HMGCLL1: variants seen among roughly 807,000 people sequenced by gnomAD.
HMGCLL1 encodes 3-hydroxy-3-methylglutaryl-CoA lyase like 1.
Under a neutral mutation model 39.1 loss-of-function variants are expected in HMGCLL1, and 36 were observed. The observed-to-expected ratio is 0.92, with a 90% CI of 0.71 to 1.22. The LOEUF (loss-of-function observed/expected upper bound fraction) is 1.22, where lower values mean the gene tolerates loss of function less well. Among genes scored for constraint, HMGCLL1 ranks in the 50% most tolerant of loss-of-function variants. The pLI is 0.00. For synonymous variants in HMGCLL1, 149 were observed against 144.0 expected (o/e 1.03, Z -0.25); for missense variants, 451 against 416.5 (o/e 1.08, Z -0.72).
the HMGCLL1 span, among the ~76,000 whole-genome samples, chr6:55,606,026 G>A: frequency 2.0e-5 from 3 of 152,112 alleles, no homozygotes; most frequent in Non-Finnish European, 4.4e-5. Flanking sequence ...ATGAATTGAA[G>A]AGGTTCAGGT....
At chr6:55,490,851 G>T (rs962778255) in intron 7 of HMGCLL1, among the ~76,000 whole-genome samples, 16 of 151,736 alleles carry the variant, frequency 1.1e-4, no homozygotes, top group Non-Finnish European at 1.9e-4. Flanking sequence ...TAAAGATGTT[G>T]GAGATGAACT....
chr6:55,526,819 A>G (rs578186789), intron 3 of HMGCLL1, among the ~76,000 whole-genome samples: 1 of 152,164 alleles, frequency 6.6e-6, no homozygotes, highest in South Asian at 2.1e-4. Context: ...ATGGGGATTC[A>G]CCTCTGAATA....
At chr6:55,649,136 T>C in the HMGCLL1 span, among the ~76,000 whole-genome samples, 1 of 152,116 alleles carries the variant, frequency 6.6e-6, no homozygotes, top group Admixed American at 6.6e-5. Context: ...TACAGTGTTA[T>C]GATATTCTGT....
intron 3 of HMGCLL1, among the ~76,000 whole-genome samples, chr6:55,537,287 G>A (rs893041334): frequency 2.0e-5 from 3 of 152,098 alleles, no homozygotes; most frequent in African/African-American, 7.2e-5. Flanking sequence ...TAAATTTCCT[G>A]TCTTGGATTC....
At chr6:55,534,843 G>A (rs934229897) in intron 3 of HMGCLL1, among the ~76,000 whole-genome samples, 1 of 152,130 alleles carries the variant, frequency 6.6e-6, no homozygotes, top group Non-Finnish European at 1.5e-5. Context: ...ATTTACTAAC[G>A]CTCAAGGATA....
chr6:55,663,703 G>A, the HMGCLL1 span, among the ~76,000 whole-genome samples: 1 of 151,748 alleles, frequency 6.6e-6, no homozygotes, highest in Non-Finnish European at 1.5e-5. Context: ...TTGGTTCAAT[G>A]TTGGGTTCAG....
At chr6:55,546,176 T>C (rs1769962144) in intron 1 of HMGCLL1, among the ~76,000 whole-genome samples, 1 of 152,180 alleles carries the variant, frequency 6.6e-6, no homozygotes, top group South Asian at 2.1e-4. Context: ...ATACTATTAT[T>C]AACTCCATTA....
chr6:55,478,523 T>C (rs999561241), intron 7 of HMGCLL1, among the ~76,000 whole-genome samples: 2 of 151,506 alleles, frequency 1.3e-5, no homozygotes, highest in Non-Finnish European at 2.9e-5. Context: ...AACAAATATA[T>C]GTTTTAAAAT....
chr6:55,676,955 G>A, the HMGCLL1 span, among the ~76,000 whole-genome samples: 22 of 152,310 alleles, frequency 1.4e-4, no homozygotes, highest in East Asian at 4.1e-3. Flanking sequence ...CGTATACTTG[G>A]ATGCAACAGC....
intron 8 of HMGCLL1, among the ~76,000 whole-genome samples, chr6:55,436,635 A>G (rs1423555658): frequency 6.6e-6 from 1 of 152,006 alleles, no homozygotes; most frequent in Non-Finnish European, 1.5e-5. Context: ...TTAAAATTGA[A>G]AATATTCAGT....
chr6:55,491,349 TAA>T (rs1443141587), intron 7 of HMGCLL1, among the ~76,000 whole-genome samples: 1 of 151,910 alleles, frequency 6.6e-6, no homozygotes, highest in African/African-American at 2.4e-5. Context: ...TAAAGTATAA[TAA>T]AAAAAGAGTC....
chr6:55,643,870 G>C, the HMGCLL1 span, among the ~76,000 whole-genome samples: 84 of 152,142 alleles, frequency 5.5e-4, no homozygotes, highest in African/African-American at 1.8e-3. Context: ...AAACAGGAGA[G>C]TGCAGACATC....
At chr6:55,490,478 T>A (rs541895426) in intron 7 of HMGCLL1, among the ~76,000 whole-genome samples, 1 of 152,262 alleles carries the variant, frequency 6.6e-6, no homozygotes, top group East Asian at 1.9e-4. Context: ...TGACAATCAA[T>A]TTTTCTACTA....
chr6:55,446,240 A>G (rs1010046160), intron 7 of HMGCLL1, among the ~76,000 whole-genome samples: 1 of 148,834 alleles, frequency 6.7e-6, no homozygotes, highest in Non-Finnish European at 1.5e-5. Flanking sequence ...ATATTTATAT[A>G]TTCATATATA....
chr6:55,534,686 A>G (rs1768914716), intron 3 of HMGCLL1, among the ~76,000 whole-genome samples: 1 of 152,126 alleles, frequency 6.6e-6, no homozygotes, highest in South Asian at 2.1e-4. Flanking sequence ...GTGAGTACCT[A>G]AGAAACCTCT....
the HMGCLL1 span, among the ~76,000 whole-genome samples, chr6:55,608,640 T>C: frequency 1.3e-5 from 2 of 151,744 alleles, no homozygotes; most frequent in African/African-American, 4.8e-5. Flanking sequence ...TGTATGAAAA[T>C]TAAGAAAAAA....
the HMGCLL1 span, among the ~76,000 whole-genome samples, chr6:55,622,471 TA>T: frequency 1.3e-5 from 2 of 152,106 alleles, no homozygotes; most frequent in Admixed American, 6.6e-5. Flanking sequence ...TGATGGTTTT[TA>T]TTATGAAGTA....
At chr6:55,624,858 C>A in the HMGCLL1 span, among the ~76,000 whole-genome samples, 1 of 152,112 alleles carries the variant, frequency 6.6e-6, no homozygotes, top group Non-Finnish European at 1.5e-5. Context: ...ATCTTGAAGG[C>A]AACACCTTCC....
intron 1 of HMGCLL1, among the ~76,000 whole-genome samples, chr6:55,569,728 A>G (rs887592617): frequency 6.6e-6 from 1 of 152,156 alleles, no homozygotes; most frequent in African/African-American, 2.4e-5. Flanking sequence ...ATACTAAATA[A>G]TATATGTGAC....
Sources: gnomAD v4.1 joint callset for allele counts (sites outside exome capture counted in the v4.1 genomes callset) on GRCh38, gnomAD v4.1.1 for gene constraint, MANE v1.5 for transcripts, NCBI Gene and HGNC (gene_info 2026-07-23, HGNC 2026-07-21) for gene names.